C1orf122: variants seen among roughly 807,000 people sequenced by gnomAD.
C1orf122 encodes the protein chromosome 1 open reading frame 122, also known as uncharacterized protein C1orf122.
Under a neutral mutation model 12.9 loss-of-function variants are expected in C1orf122, and 12 were observed. The observed-to-expected ratio is 0.93, with a 90% CI of 0.60 to 1.51. The LOEUF (loss-of-function observed/expected upper bound fraction) is 1.51. C1orf122 is among the 40% of genes most tolerant of loss of function. The pLI is 0.00. For synonymous variants in C1orf122, 57 were observed against 73.4 expected, an observed-to-expected ratio of 0.78 and a Z score of 1.14; for missense variants, 144 against 162.1, an observed-to-expected ratio of 0.89 and a Z score of 0.61.
rs1263619284 is a variant in C1orf122 at position 37,807,935 on chromosome 1, C to A, written c.-470C>A. 2.2e-5 allele frequency: 27 copies of A among 1,243,870 alleles called. No homozygotes were observed. The highest frequency in any genetic ancestry group is 2.6e-5 in the Non-Finnish European group (26 of 993,632). 77.1% of individuals were successfully genotyped at this position (1,243,870 alleles called of 1,614,324 possible). A position where few individuals can be genotyped will look rare whatever the true frequency, so the allele number is the denominator to read the frequency against. On this transcript the variant is annotated 5_prime_UTR_variant, in exon 1 of 3. Coordinates refer to ENST00000373042, the MANE Select transcript of C1orf122 (RefSeq NM_198446.3). Reference sequence around the variant, plus strand: ...ACAGCGTATCGGTGGGGACGGCCACCACGGCGCCGGCGCGCAGCTCGGCCA... The same window carrying A: ...ACAGCGTATCGGTGGGGACGGCCACAACGGCGCCGGCGCGCAGCTCGGCCA...
chr1:37,808,961 C>G lies in C1orf122; in HGVS notation c.238-17C>G. Reference sequence around the variant, plus strand: ...CTTGCCTCCCAGCCTCACTTTTTTCCTTTCTGTTCCAACTAGAACGTCTCA... The same window carrying G: ...CTTGCCTCCCAGCCTCACTTTTTTCGTTTCTGTTCCAACTAGAACGTCTCA... On this transcript the variant is annotated splice_polypyrimidine_tract_variant and intron_variant, in intron 2 of 2. Coordinates refer to ENST00000373042, the MANE Select transcript of C1orf122 (RefSeq NM_198446.3). The G allele has an allele frequency of 6.2e-7, 1 of 1,605,640 alleles. No individual in the cohort carries two copies. The highest frequency in any genetic ancestry group is 1.3e-5 in the African/African-American group (1 of 74,364).
In C1orf122 at chr1:37,808,995, T is replaced by G. The variant is rs964364136; in HGVS notation, c.255T>G (p.Pro85=). 3.1e-6 allele frequency: 5 copies of G among 1,613,586 alleles called. No homozygotes were observed. Among genetic ancestry groups the G allele is most frequent in the Non-Finnish European group, 1.7e-6 (2 of 1,180,012 alleles). The change falls in exon 3 of 3, where the codon CCT becomes CCG. Residue 85 remains proline, a synonymous_variant. Coordinates refer to ENST00000373042, the MANE Select transcript of C1orf122 (RefSeq NM_198446.3). ...PAGGGNVSAK[P]GAPPQPAVSA... is the part of the protein sequence containing the mutation. Reference sequence around the variant, plus strand: ...CCAACTAGAACGTCTCAGCCAAACCTGGAGCGCCCCCCCAGCCGGCTGTCT... The same window carrying G: ...CCAACTAGAACGTCTCAGCCAAACCGGGAGCGCCCCCCCAGCCGGCTGTCT...
rs1646761045 is a variant in C1orf122 at position 37,808,568 on chromosome 1, G to A, written c.73G>A (p.Gly25Arg). Reference protein sequence around the residue: ...AGVDRGKAGLGLGGRPPPQPP... With the variant: ...AGVDRGKAGLRLGGRPPPQPP... The stretch of plus-strand genomic sequence containing the variant: ...CGTGGACCGCGGGAAGGCGGGGCTG[G>A]GGCTCGGCGGGAGGCCACCCCCACA... Residue 25 changes from glycine to arginine, a missense_variant, in exon 2 of 3, where the codon GGG becomes AGG. Transcript: ENST00000373042. The A allele has an allele frequency of 1.2e-5, 15 of 1,299,286 alleles. No individual in the cohort carries two copies. Among genetic ancestry groups the A allele is most frequent in the Non-Finnish European group, 1.5e-5 (15 of 1,025,810 alleles). The allele number at this position is 1,299,286 out of a possible 1,614,324, so 80.5% of individuals were successfully genotyped here.
At position 37,809,067 on chromosome 1, in the gene C1orf122, GCCCTGACCATCCCCGAGCAGAATA is replaced by G. The variant is rs773908936; in HGVS notation, c.*2_*25del. 1.1e-4 allele frequency: 185 copies of G among 1,614,072 alleles called. 2 individuals carry two copies. In the South Asian group the frequency reaches 1.9e-3, roughly 17 times the overall value. On this transcript the variant is annotated stop_retained_variant and 3_prime_UTR_variant, in exon 3 of 3. Coordinates refer to ENST00000373042, the MANE Select transcript of C1orf122 (RefSeq NM_198446.3). ...AGGATGCTGGCGATGGAGCTGCGGA[GCCCTGACCATCCCCGAGCAGAATA>G]CCCTGACTTCTCTCCCTCCCCAGGG...
chr1:37,809,185 TG>T lies in C1orf122; in HGVS notation c.*114del. ...GTCTTCACTGGCAGTGGCTGGTACTTGGCTCTCAGCCTGGAGTGGCAGCTCT... is the reference window on the plus strand; with the variant it reads ...GTCTTCACTGGCAGTGGCTGGTACTTGCTCTCAGCCTGGAGTGGCAGCTCT... On this transcript the variant is annotated 3_prime_UTR_variant, in exon 3 of 3. Coordinates refer to ENST00000373042, the MANE Select transcript of C1orf122 (RefSeq NM_198446.3). 1 of 1,287,082 alleles carries T rather than the reference TG, an allele frequency of 7.8e-7. No individual in the cohort carries two copies. The allele number at this position is 1,287,082 out of a possible 1,614,324, so 79.7% of individuals were successfully genotyped here. A position where few individuals can be genotyped will look rare whatever the true frequency, so the allele number is the denominator to read the frequency against.
Position 37,808,025 on chromosome 1 carries a change from C to A in C1orf122, c.-380C>A. 7.7e-7 allele frequency: 1 copy of A among 1,291,000 alleles called. No individual in the cohort carries two copies. Among genetic ancestry groups the A allele is most frequent in the Non-Finnish European group, 9.8e-7 (1 of 1,021,920 alleles). The allele number at this position is 1,291,000 out of a possible 1,614,324, so 80.0% of individuals were successfully genotyped here. ...GGCTCGCGGCCTGCACGGCCCCGCTCCCCGGGAGCCGCAACAGCCGGGCGC... is the reference window on the plus strand; with the variant it reads ...GGCTCGCGGCCTGCACGGCCCCGCTACCCGGGAGCCGCAACAGCCGGGCGC... On this transcript the variant is annotated 5_prime_UTR_variant, in exon 1 of 3. Transcript: ENST00000373042.
In C1orf122 at chr1:37,808,153, T is replaced by A. The variant is rs1646755288; in HGVS notation, c.-252T>A. On this transcript the variant is annotated 5_prime_UTR_variant, in exon 1 of 3. Transcript: ENST00000373042. ...ACGCTGGCAGCCACCGCGGCCCTCATCCCCCTGCACCGACGCGCCGGAGAC... is the reference window on the plus strand; with the variant it reads ...ACGCTGGCAGCCACCGCGGCCCTCAACCCCCTGCACCGACGCGCCGGAGAC... 2.7e-6 allele frequency: 4 copies of A among 1,469,004 alleles called. No homozygotes were observed. Among genetic ancestry groups the A allele is most frequent in the Non-Finnish European group, 3.6e-6 (4 of 1,116,798 alleles). 91.0% of individuals were successfully genotyped at this position (1,469,004 alleles called of 1,614,324 possible).
At position 37,809,038 on chromosome 1, in the gene C1orf122, C is replaced by G. The variant is rs779546366; in HGVS notation, c.298C>G (p.Pro100Ala). Reference sequence around the variant, plus strand: ...GGCTGTCTCCGCCAGAGGCGGCTTTCCAAAGGATGCTGGCGATGGAGCTGC... The same window carrying G: ...GGCTGTCTCCGCCAGAGGCGGCTTTGCAAAGGATGCTGGCGATGGAGCTGC... ...QPAVSARGGFPKDAGDGAAEP is the reference protein window; with the variant it reads ...QPAVSARGGFAKDAGDGAAEP Residue 100 changes from proline (P) to alanine (A), a missense_variant, in exon 3 of 3, where the codon CCA (proline) becomes GCA (alanine). Pro to Ala is a conservative substitution (Grantham distance 27). Transcript: ENST00000373042. 2 of 1,613,862 alleles carry G rather than the reference C, an allele frequency of 1.2e-6. No homozygotes were observed. The highest frequency in any genetic ancestry group is 1.7e-6 in the Non-Finnish European group (2 of 1,180,046).
Position 37,808,187 on chromosome 1 carries a change from A to G in C1orf122, c.-218A>G, listed in dbSNP as rs560598698. ...ACCGACGCGCCGGAGACATCCGCCCAGGCCCGCTTCCGGGAGGAAGTGACG... is the reference window on the plus strand; with the variant it reads ...ACCGACGCGCCGGAGACATCCGCCCGGGCCCGCTTCCGGGAGGAAGTGACG... On this transcript the variant is annotated 5_prime_UTR_variant, in exon 1 of 3. Coordinates refer to ENST00000373042, the MANE Select transcript of C1orf122 (RefSeq NM_198446.3). 3,386 of 1,437,358 alleles carry G rather than the reference A, an allele frequency of 2.4e-3. 6 individuals are homozygous for G. Among genetic ancestry groups the G allele is most frequent in the Non-Finnish European group, 2.9e-3 (3,230 of 1,099,676 alleles). The allele number at this position is 1,437,358 out of a possible 1,614,324, so 89.0% of individuals were successfully genotyped here.
Position 37,808,105 on chromosome 1 carries a change from C to A in C1orf122, c.-300C>A. 6.9e-7 allele frequency: 1 copy of A among 1,438,872 alleles called. No individual in the cohort carries two copies. Among genetic ancestry groups the A allele is most frequent in the Non-Finnish European group, 9.1e-7 (1 of 1,100,650 alleles). The allele number at this position is 1,438,872 out of a possible 1,614,324, so 89.1% of individuals were successfully genotyped here. A position where few individuals can be genotyped will look rare whatever the true frequency, so the allele number is the denominator to read the frequency against. On this transcript the variant is annotated 5_prime_UTR_variant, in exon 1 of 3. Transcript: ENST00000373042. ...CGGAAGAGGCGACCGCTCCGGGAGC[C>A]AGCAGGCCCCTCGCTCAACCCCACG...
In C1orf122 at chr1:37,808,410, A is replaced by G; in HGVS notation, c.6A>G (p.Glu2=). The G allele has an allele frequency of 7.8e-7, 1 of 1,288,316 alleles. No homozygotes were observed. The highest frequency in any genetic ancestry group is 9.8e-7 in the Non-Finnish European group (1 of 1,019,124). The allele number at this position is 1,288,316 out of a possible 1,614,324, so 79.8% of individuals were successfully genotyped here. Residue 2 remains glutamate, a synonymous_variant, in exon 1 of 3, where the codon GAA becomes GAG. Transcript: ENST00000373042. M[E]WGPGSDWSRG... is the part of the protein sequence containing the mutation. ...GTCGGGCCGCGCAAGCGGAGATGGA[A>G]TGGGGCCCGGGCTCAGACTGGTCAC...
In C1orf122 at chr1:37,807,807, A is replaced by AAAAC; in HGVS notation, c.-598_-597insAAAC. Reference sequence around the variant, plus strand: ...GCGGCCTTACCTGTAGACGTCGGCCACGCGGCCGAGGCATACGGCCAGAGG... The same window carrying AAAAC: ...GCGGCCTTACCTGTAGACGTCGGCCAAAACCGCGGCCGAGGCATACGGCCAGAGG... On this transcript the variant is annotated 5_prime_UTR_variant, in exon 1 of 3. Transcript: ENST00000373042. 3 of 1,510,100 alleles carry AAAAC rather than the reference A, an allele frequency of 2.0e-6. No individual in the cohort carries two copies. Among genetic ancestry groups the AAAAC allele is most frequent in the Non-Finnish European group, 2.6e-6 (3 of 1,133,822 alleles). The allele number at this position is 1,510,100 out of a possible 1,614,324, so 93.5% of individuals were successfully genotyped here.
At position 37,808,097 on chromosome 1, in the gene C1orf122, C is replaced by T. The variant is rs1646754485; in HGVS notation, c.-308C>T. On this transcript the variant is annotated 5_prime_UTR_variant, in exon 1 of 3. Coordinates refer to ENST00000373042, the MANE Select transcript of C1orf122 (RefSeq NM_198446.3). ...TCGGCGGGCGGAAGAGGCGACCGCT[C>T]CGGGAGCCAGCAGGCCCCTCGCTCA... 2 of 1,417,492 alleles carry T rather than the reference C, an allele frequency of 1.4e-6. No individual in the cohort carries two copies. Among genetic ancestry groups the T allele is most frequent in the Non-Finnish European group, 9.2e-7 (1 of 1,089,742 alleles). 87.8% of individuals were successfully genotyped at this position (1,417,492 alleles called of 1,614,324 possible).
rs898579837 is a variant in C1orf122 at position 37,808,524 on chromosome 1, C to T, written c.36-7C>T. 7.7e-7 allele frequency: 1 copy of T among 1,300,114 alleles called. No individual in the cohort carries two copies. Among genetic ancestry groups the T allele is most frequent in the Non-Finnish European group, 9.7e-7 (1 of 1,026,494 alleles). The allele number at this position is 1,300,114 out of a possible 1,614,324, so 80.5% of individuals were successfully genotyped here. A position where few individuals can be genotyped will look rare whatever the true frequency, so the allele number is the denominator to read the frequency against. ...TGACCGTCTGTCTCTCGCTCTCTCC[C>T]GGGCAGGGAGGCTGCCGGCGTGGAC... is the stretch of plus-strand genomic sequence containing the variant. On this transcript the variant is annotated splice_region_variant and splice_polypyrimidine_tract_variant and intron_variant, in intron 1 of 2. Coordinates refer to ENST00000373042, the MANE Select transcript of C1orf122 (RefSeq NM_198446.3).
In C1orf122 at chr1:37,808,389, G is replaced by A. The variant is rs964467200; in HGVS notation, c.-16G>A. ...GCGGCCGAAAGGGGGGCGGTGGTCG[G>A]GCCGCGCAAGCGGAGATGGAATGGG... is the stretch of plus-strand genomic sequence containing the variant. On this transcript the variant is annotated 5_prime_UTR_variant, in exon 1 of 3. Coordinates refer to ENST00000373042, the MANE Select transcript of C1orf122 (RefSeq NM_198446.3). The A allele has an allele frequency of 1.6e-6, 2 of 1,289,684 alleles. No individual in the cohort carries two copies. The highest frequency in any genetic ancestry group is 2.0e-6 in the Non-Finnish European group (2 of 1,020,374). 79.9% of individuals were successfully genotyped at this position (1,289,684 alleles called of 1,614,324 possible). A position where few individuals can be genotyped will look rare whatever the true frequency, so the allele number is the denominator to read the frequency against.
In C1orf122 at chr1:37,809,072, G is replaced by T. The variant is rs1178884234; in HGVS notation, c.332G>T (p.Ter111LeuextTer8). 10 of 1,613,670 alleles carry T rather than the reference G, an allele frequency of 6.2e-6. No individual in the cohort carries two copies. Among genetic ancestry groups the T allele is most frequent in the Admixed American group, 3.3e-5 (2 of 60,030 alleles). Residue 111 changes from the stop codon to leucine (L), a stop_lost, in exon 3 of 3, where the codon TGA becomes TTA. Coordinates refer to ENST00000373042, the MANE Select transcript of C1orf122 (RefSeq NM_198446.3). ...KDAGDGAAEP[*>L] is the part of the protein sequence containing the mutation. ...GCTGGCGATGGAGCTGCGGAGCCCT[G>T]ACCATCCCCGAGCAGAATACCCTGA...
In C1orf122 at chr1:37,808,256, C is replaced by G. The variant is rs1646756944; in HGVS notation, c.-149C>G. ...TCCAGGAGACTCGGCCCCGCCTCTG[C>G]GCCGGGCAGCTTAAAGGGACCACGA... On this transcript the variant is annotated 5_prime_UTR_variant, in exon 1 of 3. Transcript: ENST00000373042. 7.5e-7 allele frequency: 1 copy of G among 1,334,128 alleles called. No individual in the cohort carries two copies. The highest frequency in any genetic ancestry group is 9.6e-7 in the Non-Finnish European group (1 of 1,044,080). The allele number at this position is 1,334,128 out of a possible 1,614,324, so 82.6% of individuals were successfully genotyped here.
rs780737447 is a variant in C1orf122 at position 37,809,202 on chromosome 1, T to G, written c.*129T>G. 1.6e-5 allele frequency: 18 copies of G among 1,100,248 alleles called. No homozygotes were observed. Among genetic ancestry groups the G allele is most frequent in the Non-Finnish European group, 2.4e-5 (17 of 711,506 alleles). 68.2% of individuals were successfully genotyped at this position (1,100,248 alleles called of 1,614,324 possible). On this transcript the variant is annotated 3_prime_UTR_variant, in exon 3 of 3. Coordinates refer to ENST00000373042, the MANE Select transcript of C1orf122 (RefSeq NM_198446.3). ...CTGGTACTTGGCTCTCAGCCTGGAGTGGCAGCTCTGCTAGCAGCTGGGTTC... is the reference window on the plus strand; with the variant it reads ...CTGGTACTTGGCTCTCAGCCTGGAGGGGCAGCTCTGCTAGCAGCTGGGTTC...
At chr1:37,808,940 C>A in intron 2 of C1orf122, 38 bp from the exon 3 acceptor site, 1 of 1,595,730 alleles carries the variant, frequency 6.3e-7, no homozygotes, top group Non-Finnish European at 8.6e-7. Context: ...CAAGGCCTTG[C>A]CTCCCAGCCT....
Sources: gnomAD v4.1 joint callset for allele counts on GRCh38, gnomAD v4.1.1 for gene constraint, MANE v1.5 for transcripts, NCBI Gene and HGNC (gene_info 2026-07-23, HGNC 2026-07-21) for gene names.